ARB2A: variants seen among roughly 807,000 people sequenced by gnomAD.
The protein encoded by ARB2A is cotranscriptional regulator ARB2A.
the ARB2A span, among the ~76,000 whole-genome samples, chr5:93,971,289 C>T: frequency 6.6e-6 from 1 of 152,066 alleles, no homozygotes; most frequent in Non-Finnish European, 1.5e-5. Context: ...AATATTTAGC[C>T]AGGCACGGTG....
At chr5:93,691,660 T>G in the ARB2A span, among the ~76,000 whole-genome samples, 1 of 151,694 alleles carries the variant, frequency 6.6e-6, no homozygotes, top group Admixed American at 6.6e-5. Flanking sequence ...ACATTCAAAT[T>G]CAGGAAATAC....
At chr5:94,022,484 T>C in the ARB2A span, among the ~76,000 whole-genome samples, 1 of 152,194 alleles carries the variant, frequency 6.6e-6, no homozygotes, top group Non-Finnish European at 1.5e-5. Context: ...CCACTGCCTG[T>C]AGCCCTAGGA....
chr5:93,896,481 A>G, the ARB2A span, among the ~76,000 whole-genome samples: 1 of 152,104 alleles, frequency 6.6e-6, no homozygotes. Context: ...TTTTGTGTTT[A>G]GACTTGGGTC....
the ARB2A span, among the ~76,000 whole-genome samples, chr5:93,903,743 GTA>G: frequency 2.7e-5 from 4 of 149,394 alleles, no homozygotes; most frequent in Non-Finnish European, 4.5e-5. Flanking sequence ...GTGTGTGTGT[GTA>G]TAGTCCTAGC....
the ARB2A span, among the ~76,000 whole-genome samples, chr5:94,076,157 T>C: frequency 2.0e-5 from 3 of 152,222 alleles, no homozygotes; most frequent in Non-Finnish European, 1.5e-5. Flanking sequence ...CCAAATTCTT[T>C]GGTTTCTTCA....
the ARB2A span, among the ~76,000 whole-genome samples, chr5:93,906,780 T>G: frequency 6.6e-6 from 1 of 151,462 alleles, no homozygotes; most frequent in African/African-American, 2.4e-5. Context: ...TCTGCTAAGT[T>G]TGCTAATTGA....
chr5:93,991,174 G>C, the ARB2A span, among the ~76,000 whole-genome samples: 1 of 152,020 alleles, frequency 6.6e-6, no homozygotes, highest in Non-Finnish European at 1.5e-5. Context: ...AGTCAGTTGA[G>C]TTGCAACTAC....
chr5:93,973,225 T>C, the ARB2A span, among the ~76,000 whole-genome samples: 1 of 151,862 alleles, frequency 6.6e-6, no homozygotes. Flanking sequence ...AGTTCTAACA[T>C]GAATAGTTCT....
At chr5:93,871,955 T>TC in the ARB2A span, among the ~76,000 whole-genome samples, 3 of 150,298 alleles carry the variant, frequency 2.0e-5, no homozygotes, top group African/African-American at 2.4e-5. Context: ...TTTTCTTTTT[T>TC]TTTTTTTTTT....
chr5:93,904,956 G>A, the ARB2A span, among the ~76,000 whole-genome samples: 1 of 151,564 alleles, frequency 6.6e-6, no homozygotes, highest in Admixed American at 6.6e-5. Flanking sequence ...AAATATACCA[G>A]GTAAGATAAT....
the ARB2A span, among the ~76,000 whole-genome samples, chr5:93,731,197 T>A: frequency 6.6e-6 from 1 of 152,148 alleles, no homozygotes; most frequent in African/African-American, 2.4e-5. Context: ...CAAGCTCCAG[T>A]ATCTTAGAAT....
chr5:93,830,303 G>GTGTGTGTGTGTA, the ARB2A span, among the ~76,000 whole-genome samples: 10,692 of 63,324 alleles, frequency 0.17, 2,159 homozygotes, highest in South Asian at 0.26. Flanking sequence ...ATATATATGT[G>GTGTGTGTGTGTA]TGTGTGTGTA....
the ARB2A span, among the ~76,000 whole-genome samples, chr5:93,869,420 T>C: frequency 1.3e-5 from 2 of 152,174 alleles, no homozygotes; most frequent in Non-Finnish European, 2.9e-5. Flanking sequence ...TTTGAAGAAT[T>C]AGGAAGAGCT....
chr5:94,011,936 C>CAAAAAAAAAAAAAAAAAAA, the ARB2A span, among the ~76,000 whole-genome samples: 1 of 30,180 alleles, frequency 3.3e-5, no homozygotes, highest in Non-Finnish European at 6.4e-5. Flanking sequence ...AAAGGGTAGA[C>CAAAAAAAAAAAAAAAAAAA]AAAAAAAAAA....
At chr5:94,057,496 T>C in the ARB2A span, among the ~76,000 whole-genome samples, 1 of 152,196 alleles carries the variant, frequency 6.6e-6, no homozygotes, top group Non-Finnish European at 1.5e-5. Flanking sequence ...AAATGTACTT[T>C]ATGCTACTGA....
the ARB2A span, among the ~76,000 whole-genome samples, chr5:93,850,785 T>C: frequency 6.6e-6 from 1 of 152,188 alleles, no homozygotes; most frequent in Non-Finnish European, 1.5e-5. Flanking sequence ...GGAGTCAATA[T>C]GAACATTTTT....
the ARB2A span, chr5:93,618,146 T>C: frequency 6.6e-6 from 1 of 152,102 alleles, no homozygotes; most frequent in Non-Finnish European, 1.5e-5. Flanking sequence ...TTCCTTTTTT[T>C]TTTTTACTTC....
the ARB2A span, among the ~76,000 whole-genome samples, chr5:94,110,962 G>A: frequency 6.6e-6 from 1 of 152,168 alleles, no homozygotes; most frequent in African/African-American, 2.4e-5. Flanking sequence ...GGAAAGAGAA[G>A]ACTGCTTCCA....
chr5:93,933,667 G>T, the ARB2A span, among the ~76,000 whole-genome samples: 32 of 152,246 alleles, frequency 2.1e-4, 1 homozygote, highest in South Asian at 6.2e-3. Flanking sequence ...TGGGGGGCTA[G>T]GGGAGGGATA....
Sources: allele counts gnomAD v4.1 joint callset (sites outside exome capture counted in the v4.1 genomes callset), GRCh38; gene constraint gnomAD v4.1.1; transcripts MANE v1.5; gene names NCBI Gene and HGNC (gene_info 2026-07-23, HGNC 2026-07-21).